TGM3: variants seen among roughly 807,000 people sequenced by gnomAD.
TGM3 encodes protein-glutamine gamma-glutamyltransferase E.
A neutral mutation model predicts 73.8 loss-of-function variants in TGM3; 52 were observed. The ratio of observed to expected loss-of-function variants is 0.70; its 90% CI spans 0.56 to 0.89. TGM3 has a LOEUF of 0.89. Among genes scored for constraint, TGM3 ranks in the 40% least tolerant of loss-of-function variants. TGM3 has a pLI of 0.00. For synonymous variants in TGM3, 372 were observed against 354.9 expected, an observed-to-expected ratio of 1.05 and a Z score of -0.54; for missense variants, 928 against 909.9, an observed-to-expected ratio of 1.02 and a Z score of -0.26.
At chr20:2,307,409 A>G in intron 1 of TGM3, among the ~76,000 whole-genome samples, 1 of 152,090 alleles carries the variant, frequency 6.6e-6, no homozygotes, top group Non-Finnish European at 1.5e-5. Flanking sequence ...CCTGCTCCAG[A>G]CAAGTAACAT....
At chr20:2,327,235 C>T (rs1370910202) in intron 8 of TGM3, among the ~76,000 whole-genome samples, 1 of 152,034 alleles carries the variant, frequency 6.6e-6, no homozygotes, top group Non-Finnish European at 1.5e-5. Context: ...CTTTGGGAGG[C>T]CGAGGTGGGT....
chr20:2,322,608 C>A (rs116267919), intron 7 of TGM3, among the ~76,000 whole-genome samples: 3,022 of 152,304 alleles, frequency 0.02, 78 homozygotes, highest in African/African-American at 0.066. Flanking sequence ...ACCCCAGCTG[C>A]CTGGATTCAA....
intron 9 of TGM3, among the ~76,000 whole-genome samples, chr20:2,331,238 C>G (rs1203144348): frequency 6.6e-6 from 1 of 152,036 alleles, no homozygotes. Context: ...TCAGCCCTGG[C>G]TCAGAGGCTT....
chr20:2,299,877 T>G (rs1004224348), intron 1 of TGM3, among the ~76,000 whole-genome samples: 2 of 152,052 alleles, frequency 1.3e-5, no homozygotes, highest in African/African-American at 2.4e-5. Flanking sequence ...GCGGGTAGAT[T>G]ATCTGAGGTC....
intron 9 of TGM3, among the ~76,000 whole-genome samples, chr20:2,331,612 A>G (rs769054143): frequency 6.6e-6 from 1 of 152,182 alleles, no homozygotes; most frequent in Non-Finnish European, 1.5e-5. Flanking sequence ...TTATGAATGT[A>G]TTCTAATCTT....
chr20:2,312,708 G>GT (rs1185315463), intron 4 of TGM3, among the ~76,000 whole-genome samples, 190 bp from the exon 5 acceptor site: 2 of 152,128 alleles, frequency 1.3e-5, no homozygotes, highest in African/African-American at 2.4e-5. Flanking sequence ...CTTGTGTGTA[G>GT]TGAGTGCTCT....
intron 1 of TGM3, among the ~76,000 whole-genome samples, chr20:2,305,697 C>A (rs214796): frequency 0.71 from 107,607 of 152,098 alleles, 41,215 homozygotes; most frequent in East Asian, 0.93. Context: ...CCGGGGCTCA[C>A]GCTTGGTGTC....
chr20:2,337,511 G>T (rs1170036038), intron 11 of TGM3, among the ~76,000 whole-genome samples: 1 of 152,120 alleles, frequency 6.6e-6, no homozygotes, highest in African/African-American at 2.4e-5. Context: ...CTGAGGTCAG[G>T]AGTTCAAGAC....
At chr20:2,339,787 C>A (rs1755124580) in intron 11 of TGM3, 67 bp from the exon 12 acceptor site, 2 of 1,605,984 alleles carry the variant, frequency 1.2e-6, no homozygotes, top group African/African-American at 2.7e-5. Context: ...CCTGCCCAGC[C>A]CTCACCAAGG....
intron 7 of TGM3, among the ~76,000 whole-genome samples, chr20:2,323,339 A>G (rs2084271227): frequency 6.6e-6 from 1 of 152,166 alleles, no homozygotes; most frequent in African/African-American, 2.4e-5. Context: ...TTCTTATTTC[A>G]TGATATCTCT....
At chr20:2,324,829 C>T (rs543813072) in intron 7 of TGM3, among the ~76,000 whole-genome samples, 33 of 152,300 alleles carry the variant, frequency 2.2e-4, no homozygotes, top group African/African-American at 7.9e-4. Context: ...GTTCTGATTC[C>T]TCTCTAAAAT....
At position 2,332,775 on chromosome 20, in the gene TGM3, C is replaced by T. The variant is rs561821535; in HGVS notation, c.1642+465C>T. 2.0e-5 allele frequency among the ~76,000 whole-genome samples: 3 copies of T among 152,146 alleles called. No individual in the cohort carries two copies. Among genetic ancestry groups the T allele is most frequent in the Non-Finnish European group, 4.4e-5 (3 of 68,038 alleles). On this transcript the variant is annotated intron_variant, in intron 10 of 12. Transcript: ENST00000381458. The surrounding 1 kb of genome is among the most constrained non-coding windows in gnomAD (Gnocchi z 4.4). ...TTTCCTGATACTGAGTCCAGAGCCA[C>T]CCCCTGTTTTCTATGTTGTATTGTT...
chr20:2,324,401 C>G (rs1212449762), intron 7 of TGM3, among the ~76,000 whole-genome samples: 1 of 152,078 alleles, frequency 6.6e-6, no homozygotes, highest in Non-Finnish European at 1.5e-5. Flanking sequence ...GAGGATAAAC[C>G]ACATTTTCCT....
Position 2,341,040 on chromosome 20 carries a change from C to T in TGM3, c.*459C>T, listed in dbSNP as rs2084380085. 3 of 431,864 alleles carry T rather than the reference C, an allele frequency of 6.9e-6. No homozygotes were observed. Among genetic ancestry groups the T allele is most frequent in the South Asian group, 4.8e-5 (3 of 62,174 alleles). 26.8% of individuals were successfully genotyped at this position (431,864 alleles called of 1,614,324 possible). On this transcript the variant is annotated 3_prime_UTR_variant, in exon 13 of 13. Coordinates refer to ENST00000381458, the MANE Select transcript of TGM3 (RefSeq NM_003245.4). ...TTAGTCACCTGCCCCAGCACTCACACCCTAACTCAAAATAAATGTTAAATA... is the reference window on the plus strand; with the variant it reads ...TTAGTCACCTGCCCCAGCACTCACATCCTAACTCAAAATAAATGTTAAATA...
At chr20:2,302,238 C>G (rs570714830) in intron 1 of TGM3, among the ~76,000 whole-genome samples, 3 of 152,098 alleles carry the variant, frequency 2.0e-5, no homozygotes, top group African/African-American at 7.2e-5. Flanking sequence ...CATTCTCACC[C>G]GTGTGCTGCA....
In TGM3 at chr20:2,309,847, C is replaced by T. The variant is rs1189142209; in HGVS notation, c.181+17C>T. 2 of 1,613,674 alleles carry T rather than the reference C, an allele frequency of 1.2e-6. No individual in the cohort carries two copies. Among genetic ancestry groups the T allele is most frequent in the South Asian group, 1.1e-5 (1 of 91,048 alleles). ...TCTCCACAGGTACCTGCTCATTCCC[C>T]TCCTTGCCCAAACACACACATACTT... On this transcript the variant is annotated intron_variant, in intron 2 of 12. Coordinates refer to ENST00000381458, the MANE Select transcript of TGM3 (RefSeq NM_003245.4).
intron 11 of TGM3, among the ~76,000 whole-genome samples, chr20:2,337,548 G>A (rs896388595): frequency 2.4e-4 from 37 of 151,928 alleles, no homozygotes; most frequent in Non-Finnish European, 2.4e-4. Context: ...GTGAAACCCC[G>A]TCTCTACTAA....
intron 2 of TGM3, 75 bp downstream of exon 2, chr20:2,309,905 G>A: frequency 1.3e-6 from 2 of 1,575,192 alleles, no homozygotes; most frequent in Non-Finnish European, 1.7e-6. Context: ...GACTGACGGG[G>A]ACCACACTGG....
In TGM3 at chr20:2,334,381, T is replaced by C. The variant is rs943007534; in HGVS notation, c.1643-735T>C. The stretch of plus-strand genomic sequence containing the variant: ...CATGTGACACAGAAGAAGAGTGATT[T>C]AGAAAACAAAACAGAACAAAACGAA... On this transcript the variant is annotated intron_variant, in intron 10 of 12. Transcript: ENST00000381458. The surrounding 1 kb of genome is among the most constrained non-coding windows in gnomAD (Gnocchi z 4.0). Among the ~76,000 whole-genome samples the C allele has an allele frequency of 1.3e-4, 20 of 152,290 alleles. No homozygotes were observed. Among genetic ancestry groups the C allele is most frequent in the African/African-American group, 4.8e-4 (20 of 41,558 alleles).
Sources: allele counts gnomAD v4.1 joint callset (sites outside exome capture counted in the v4.1 genomes callset), GRCh38; gene constraint gnomAD v4.1.1; non-coding constraint Gnocchi (gnomAD v3.1); transcripts MANE v1.5; gene names NCBI Gene and HGNC (gene_info 2026-07-23, HGNC 2026-07-21).